The following SIMC1 variants were observed in gnomAD, a reference collection of about 807,000 sequenced individuals.
SIMC1 encodes the protein SUMO-interacting motif-containing protein 1.
Under a neutral mutation model 82.3 loss-of-function variants are expected in SIMC1, and 55 were observed. The ratio of observed to expected loss-of-function variants is 0.67; its 90% CI spans 0.54 to 0.84. The LOEUF (loss-of-function observed/expected upper bound fraction) is 0.84. Among genes scored for constraint, SIMC1 ranks in the 40% least tolerant of loss-of-function variants. The probability of loss-of-function intolerance (pLI) is 0.00; values close to 1 mark genes in which losing one functional copy is unlikely to be tolerated. For missense variants in SIMC1, 915 were observed against 1,107.2 expected (o/e 0.83, Z 2.46); for synonymous variants, 353 against 426.3 (o/e 0.83, Z 2.12).
intron 1 of SIMC1, among the ~76,000 whole-genome samples, chr5:176,241,610 G>A (rs910507765): frequency 4.0e-5 from 6 of 151,754 alleles, no homozygotes; most frequent in East Asian, 1.9e-4. Flanking sequence ...TAACCCCCCC[G>A]TGCAGTTGAA....
intron 1 of SIMC1, among the ~76,000 whole-genome samples, chr5:176,250,641 G>A (rs189787105): frequency 0.01 from 1,543 of 152,262 alleles, 17 homozygotes; most frequent in Middle Eastern, 0.034. Flanking sequence ...GAATCGGGAT[G>A]CTCCTGTATT....
At chr5:176,273,992 T>C (rs1021812165) in intron 1 of SIMC1, among the ~76,000 whole-genome samples, 16 of 151,208 alleles carry the variant, frequency 1.1e-4, no homozygotes, top group Non-Finnish European at 2.1e-4. Flanking sequence ...TACAGCAGCA[T>C]GATTTATAGT....
chr5:176,308,577 T>TG, intron 4 of SIMC1: 1 of 1,590,040 alleles, frequency 6.3e-7, no homozygotes, highest in East Asian at 2.2e-5. Flanking sequence ...ACTCTACACT[T>TG]GCTTCCAATC....
chr5:176,319,722 G>T (rs1458094507), intron 5 of SIMC1, among the ~76,000 whole-genome samples: 1 of 152,036 alleles, frequency 6.6e-6, no homozygotes, highest in African/African-American at 2.4e-5. Context: ...ATGTCATCTC[G>T]TATCTTTGAT....
At chr5:176,302,149 A>AT (rs920261608) in intron 4 of SIMC1, among the ~76,000 whole-genome samples, 1 of 151,424 alleles carries the variant, frequency 6.6e-6, no homozygotes, top group Non-Finnish European at 1.5e-5. Context: ...GTAGATGTAA[A>AT]TTTTTTTTCA....
intron 1 of SIMC1, among the ~76,000 whole-genome samples, chr5:176,284,446 G>A (rs995336736): frequency 1.3e-5 from 2 of 152,160 alleles, no homozygotes; most frequent in African/African-American, 2.4e-5. Flanking sequence ...ATGAAATGAA[G>A]GCAGAAATAA....
intron 1 of SIMC1, among the ~76,000 whole-genome samples, chr5:176,258,175 T>C (rs2560144): frequency 4.6e-5 from 7 of 152,240 alleles, no homozygotes; most frequent in Non-Finnish European, 1.0e-4. Flanking sequence ...TGACTATGTG[T>C]TATGTAGGGT....
At chr5:176,276,059 C>T (rs1190700806) in intron 1 of SIMC1, among the ~76,000 whole-genome samples, 1 of 151,620 alleles carries the variant, frequency 6.6e-6, no homozygotes, top group Non-Finnish European at 1.5e-5. Context: ...ACCAGTTCCT[C>T]CTTGTACCTC....
At chr5:176,273,441 C>A (rs1762536374) in intron 1 of SIMC1, among the ~76,000 whole-genome samples, 1 of 152,202 alleles carries the variant, frequency 6.6e-6, no homozygotes, top group East Asian at 1.9e-4. Flanking sequence ...ATGTCACCAT[C>A]ATCAAAGACC....
intron 7 of SIMC1, among the ~76,000 whole-genome samples, chr5:176,325,911 G>C (rs1194249087): frequency 6.6e-6 from 1 of 152,106 alleles, no homozygotes; most frequent in African/African-American, 2.4e-5. Context: ...CAGATAGTAA[G>C]AATTAGGAAT....
intron 5 of SIMC1, among the ~76,000 whole-genome samples, chr5:176,316,608 G>T (rs1445061260): frequency 1.3e-5 from 2 of 151,930 alleles, no homozygotes; most frequent in African/African-American, 4.8e-5. Context: ...AGAATTGCTT[G>T]AACCCAGGAG....
intron 1 of SIMC1, among the ~76,000 whole-genome samples, chr5:176,259,832 C>T (rs952553568): frequency 6.6e-6 from 1 of 151,704 alleles, no homozygotes; most frequent in Admixed American, 6.6e-5. Context: ...TAAGAACCTG[C>T]CCCTATCTAT....
chr5:176,337,616 A>G (rs1414801896), intron 9 of SIMC1, among the ~76,000 whole-genome samples: 2 of 152,194 alleles, frequency 1.3e-5, no homozygotes, highest in Non-Finnish European at 2.9e-5. Flanking sequence ...AAAAAAGAGA[A>G]GTCATCAGAA....
intron 6 of SIMC1, among the ~76,000 whole-genome samples, chr5:176,323,130 A>G (rs1415227660): frequency 4.7e-4 from 72 of 152,206 alleles, no homozygotes; most frequent in Admixed American, 4.7e-3. Context: ...CCTGATTTTT[A>G]TGGAAGACCT....
chr5:176,292,236 A>G (rs942919577), intron 2 of SIMC1, among the ~76,000 whole-genome samples: 4 of 152,106 alleles, frequency 2.6e-5, no homozygotes, highest in Non-Finnish European at 4.4e-5. Flanking sequence ...GCTCCTTTCC[A>G]TTGGTCATCA....
At chr5:176,271,588 G>A (rs1762428884) in intron 1 of SIMC1, among the ~76,000 whole-genome samples, 1 of 151,878 alleles carries the variant, frequency 6.6e-6, no homozygotes, top group Admixed American at 6.6e-5. Flanking sequence ...GGAGTAGGGG[G>A]TTGGGAGAGA....
At chr5:176,297,717 C>A (rs938876353) in intron 4 of SIMC1, among the ~76,000 whole-genome samples, 1 of 152,046 alleles carries the variant, frequency 6.6e-6, no homozygotes, top group African/African-American at 2.4e-5. Context: ...GCCAAACTAT[C>A]AGTTAAGTGT....
chr5:176,305,784 C>T (rs1764328376), intron 4 of SIMC1, among the ~76,000 whole-genome samples: 5 of 61,200 alleles, frequency 8.2e-5, no homozygotes, highest in Admixed American at 6.9e-4. Flanking sequence ...CCCGGCCAGC[C>T]GCCCCGTCCG....
chr5:176,287,236 C>T (rs1257262915), intron 1 of SIMC1, among the ~76,000 whole-genome samples: 1 of 152,188 alleles, frequency 6.6e-6, no homozygotes, highest in South Asian at 2.1e-4. Flanking sequence ...ACCCAAATAT[C>T]CATCAATGAT....
Sources: allele counts gnomAD v4.1 joint callset (sites outside exome capture counted in the v4.1 genomes callset), GRCh38; gene constraint gnomAD v4.1.1; transcripts MANE v1.5; gene names NCBI Gene and HGNC (gene_info 2026-07-23, HGNC 2026-07-21).